The following UBTD2 variants were observed in gnomAD, a reference collection of about 807,000 sequenced individuals.
UBTD2 encodes ubiquitin domain containing 2, also known as ubiquitin domain-containing protein 2.
UBTD2 carries 9 observed loss-of-function variants against 19.8 expected under a neutral mutation model. That is an observed-to-expected ratio of 0.46 (90% CI 0.27 to 0.79). The LOEUF is 0.79. Among genes scored for constraint, UBTD2 ranks in the 30% least tolerant of loss-of-function variants. The pLI is 0.14. For missense variants in UBTD2, 250 were observed against 300.4 expected (o/e 0.83, Z 1.24); for synonymous variants, 98 against 103.9 (o/e 0.94, Z 0.35).
chr5:172,228,465 A>T (rs1224963389), intron 2 of UBTD2, among the ~76,000 whole-genome samples: 1 of 152,226 alleles, frequency 6.6e-6, no homozygotes, highest in African/African-American at 2.4e-5. Context: ...TCATGCTTGT[A>T]ATCCCAGCAC....
At chr5:172,260,069 G>A (rs916259822) in intron 1 of UBTD2, among the ~76,000 whole-genome samples, 12 of 56,506 alleles carry the variant, frequency 2.1e-4, no homozygotes, top group Admixed American at 1.8e-3. Flanking sequence ...CCCCCTCCCC[G>A]CCGCACCCCC....
chr5:172,249,426 A>C (rs1257414131), intron 1 of UBTD2, among the ~76,000 whole-genome samples: 5 of 134,922 alleles, frequency 3.7e-5, no homozygotes, highest in African/African-American at 1.1e-4. Flanking sequence ...AAAAAAAAAA[A>C]AGAACAGCAA....
intron 1 of UBTD2, among the ~76,000 whole-genome samples, chr5:172,265,771 A>G (rs1755367005): frequency 6.6e-6 from 1 of 152,248 alleles, no homozygotes; most frequent in African/African-American, 2.4e-5. Context: ...AGTAAAGAAC[A>G]AATCAGACAA....
chr5:172,278,799 G>A (rs952894369), intron 1 of UBTD2, among the ~76,000 whole-genome samples: 1 of 151,984 alleles, frequency 6.6e-6, no homozygotes, highest in Non-Finnish European at 1.5e-5. Context: ...TTTTGAGACC[G>A]AGTCTCACTC....
chr5:172,267,042 A>C, intron 1 of UBTD2, among the ~76,000 whole-genome samples: 1 of 125,026 alleles, frequency 8.0e-6, no homozygotes, highest in African/African-American at 2.9e-5. Flanking sequence ...CTCTCTTTAA[A>C]AAAAAAAAAA....
At chr5:172,231,510 C>T (rs749031488) in intron 2 of UBTD2, among the ~76,000 whole-genome samples, 7 of 152,162 alleles carry the variant, frequency 4.6e-5, no homozygotes, top group African/African-American at 1.4e-4. Flanking sequence ...TGAGGGACTT[C>T]GGTCTTTAGT....
chr5:172,243,036 G>A (rs1015563075), intron 1 of UBTD2, among the ~76,000 whole-genome samples: 3 of 151,390 alleles, frequency 2.0e-5, no homozygotes, highest in African/African-American at 2.4e-5. Flanking sequence ...CTACGTTACC[G>A]AATCTGGTCT....
Position 172,283,616 on chromosome 5 carries a change from T to C in UBTD2, c.50A>G (p.Glu17Gly). ...CCTACCTCCGGTGCCCTCCGAGTTCTCGTTGAGGCTGCCCGAGGAGTCGTG... is the reference window on the plus strand; with the variant it reads ...CCTACCTCCGGTGCCCTCCGAGTTCCCGTTGAGGCTGCCCGAGGAGTCGTG... ...AQHDSSGSLN[E>G]NSEGTGVALG... Residue 17 changes from glutamate (E) to glycine (G), a missense_variant, in exon 1 of 3, where the codon GAG (glutamate) becomes GGG (glycine). Coordinates refer to ENST00000393792, the MANE Select transcript of UBTD2 (RefSeq NM_152277.3). This position sits in a 1 kb window ranked among gnomAD's most constrained non-coding sequence, Gnocchi z 4.3. 7.7e-7 allele frequency: 1 copy of C among 1,301,786 alleles called. No homozygotes were observed. Among genetic ancestry groups the C allele is most frequent in the Non-Finnish European group, 9.8e-7 (1 of 1,016,642 alleles). The allele number at this position is 1,301,786 out of a possible 1,614,324, so 80.6% of individuals were successfully genotyped here. A position where few individuals can be genotyped will look rare whatever the true frequency, so the allele number is the denominator to read the frequency against.
chr5:172,244,050 G>A (rs575102352), intron 1 of UBTD2, among the ~76,000 whole-genome samples: 6 of 151,964 alleles, frequency 3.9e-5, no homozygotes, highest in Non-Finnish European at 5.9e-5. Context: ...TAGTTGCAAC[G>A]TTCTATTTGG....
intron 1 of UBTD2, among the ~76,000 whole-genome samples, chr5:172,241,972 C>T (rs1282820035): frequency 6.6e-6 from 1 of 152,226 alleles, no homozygotes; most frequent in Non-Finnish European, 1.5e-5. Context: ...GAGCTGCGAT[C>T]GTGCAACTGC....
intron 1 of UBTD2, among the ~76,000 whole-genome samples, chr5:172,250,113 C>T (rs1308434449): frequency 1.3e-5 from 2 of 152,066 alleles, no homozygotes; most frequent in Non-Finnish European, 2.9e-5. Context: ...ATCCCAGCTA[C>T]TTGGGAGGCT....
intron 2 of UBTD2, among the ~76,000 whole-genome samples, chr5:172,217,505 A>G (rs1001638102): frequency 6.6e-6 from 1 of 152,078 alleles, no homozygotes; most frequent in African/African-American, 2.4e-5. Context: ...TTACTTTTAG[A>G]GACAGGGTCT....
intron 1 of UBTD2, among the ~76,000 whole-genome samples, chr5:172,274,917 T>G (rs974834056): frequency 2.6e-5 from 4 of 152,136 alleles, no homozygotes; most frequent in Admixed American, 6.5e-5. Flanking sequence ...GCGCCTGTAG[T>G]CCCAGCTACT....
At chr5:172,251,314 C>CAAAAAAAAAAAAAAA (rs57577423) in intron 1 of UBTD2, among the ~76,000 whole-genome samples, 121 of 118,168 alleles carry the variant, frequency 1.0e-3, no homozygotes, top group African/African-American at 4.0e-3. Flanking sequence ...GAGCCTATCT[C>CAAAAAAAAAAAAAAA]AAAAAAAAAA....
chr5:172,236,003 G>A (rs185322441), intron 1 of UBTD2, among the ~76,000 whole-genome samples: 208 of 152,274 alleles, frequency 1.4e-3, no homozygotes, highest in Non-Finnish European at 2.2e-3. Flanking sequence ...AAGCATCCAT[G>A]AAATTGACTA....
intron 1 of UBTD2, among the ~76,000 whole-genome samples, chr5:172,262,686 G>A (rs993339330): frequency 2.7e-5 from 4 of 150,774 alleles, no homozygotes; most frequent in Non-Finnish European, 4.4e-5. Flanking sequence ...GTGGTGGCAC[G>A]TGCCTGTAGT....
chr5:172,216,125 C>T (rs1023759199), intron 2 of UBTD2, among the ~76,000 whole-genome samples: 4 of 151,902 alleles, frequency 2.6e-5, no homozygotes, highest in African/African-American at 9.7e-5. Flanking sequence ...TGAGATTGCG[C>T]CACTGCACTC....
In UBTD2 at chr5:172,223,586, C is replaced by CAAAAAAAAA. The variant is rs577474758; in HGVS notation, c.307+10527_307+10535dup. 6.6e-4 allele frequency among the ~76,000 whole-genome samples: 22 copies of CAAAAAAAAA among 33,130 alleles called. 1 individual carries two copies. The highest frequency in any genetic ancestry group is 2.7e-3 in the African/African-American group (21 of 7,664). The allele number at this position is 33,130 out of a possible 152,430, so 21.7% of individuals were successfully genotyped here. On this transcript the variant is annotated intron_variant, in intron 2 of 2. Transcript: ENST00000393792. ...TGCACTCCAGCCTGGGCGACGGAGT[C>CAAAAAAAAA]AAAAAAAAAAAAAAAAAAAAAAAAA... is the stretch of plus-strand genomic sequence containing the variant.
At chr5:172,258,889 G>T (rs1212930196) in intron 1 of UBTD2, among the ~76,000 whole-genome samples, 1 of 152,124 alleles carries the variant, frequency 6.6e-6, no homozygotes, top group Non-Finnish European at 1.5e-5. Flanking sequence ...CATATAATCT[G>T]CAAAGAAAGA....
Sources: gnomAD v4.1 joint callset for allele counts (sites outside exome capture counted in the v4.1 genomes callset) on GRCh38, gnomAD v4.1.1 for gene constraint, Gnocchi (gnomAD v3.1) non-coding constraint, MANE v1.5 for transcripts, NCBI Gene and HGNC (gene_info 2026-07-23, HGNC 2026-07-21) for gene names.